Variants in STOX2 observed in about 807,000 individuals in gnomAD.
STOX2 encodes the protein storkhead-box protein 2.
Under a neutral mutation model 60.9 loss-of-function variants are expected in STOX2, and 28 were observed. That is an observed-to-expected ratio of 0.46 (90% CI 0.34 to 0.63). The LOEUF is 0.63. Among genes scored for constraint, STOX2 ranks in the 30% least tolerant of loss-of-function variants. The probability of loss-of-function intolerance (pLI) is 0.01; values close to 1 mark genes in which losing one functional copy is unlikely to be tolerated. For synonymous variants in STOX2, 472 were observed against 463.9 expected (o/e 1.02, Z -0.22); for missense variants, 1,024 against 1,187.7 (o/e 0.86, Z 2.03).
intron 1 of STOX2, among the ~76,000 whole-genome samples, chr4:183,923,672 A>C (rs759676944): frequency 3.7e-4 from 57 of 152,222 alleles, no homozygotes; most frequent in Admixed American, 1.6e-3. Flanking sequence ...AGTGTGTGCT[A>C]TGAGGTAGTG....
intron 1 of STOX2, among the ~76,000 whole-genome samples, chr4:183,817,081 G>C (rs1739170828): frequency 6.6e-6 from 1 of 152,228 alleles, no homozygotes; most frequent in African/African-American, 2.4e-5. Flanking sequence ...CTCAAGTCAT[G>C]AGAGATGGAA....
intron 1 of STOX2, among the ~76,000 whole-genome samples, chr4:183,915,367 G>A (rs1029365534): frequency 2.6e-5 from 4 of 151,632 alleles, no homozygotes; most frequent in Admixed American, 6.6e-5. Flanking sequence ...AAATTGTCTC[G>A]TTATTAGAGA....
At chr4:184,005,288 T>C (rs1484951413) in intron 2 of STOX2, among the ~76,000 whole-genome samples, 1 of 152,004 alleles carries the variant, frequency 6.6e-6, no homozygotes, top group Non-Finnish European at 1.5e-5. Flanking sequence ...GACGAAACCT[T>C]GTCTCTACTA....
chr4:183,841,659 A>G (rs184774847), intron 1 of STOX2, among the ~76,000 whole-genome samples: 5 of 152,208 alleles, frequency 3.3e-5, no homozygotes, highest in African/African-American at 1.2e-4. Flanking sequence ...ACTTTTTAGA[A>G]TAGGTAAGAA....
chr4:183,999,398 G>T (rs1291110770), intron 1 of STOX2, among the ~76,000 whole-genome samples: 1 of 152,140 alleles, frequency 6.6e-6, no homozygotes, highest in Non-Finnish European at 1.5e-5. Flanking sequence ...CCAGACATTT[G>T]TGGCTTCTAA....
chr4:183,983,259 G>T (rs997892814), intron 1 of STOX2, among the ~76,000 whole-genome samples: 1 of 152,116 alleles, frequency 6.6e-6, no homozygotes, highest in African/African-American at 2.4e-5. Flanking sequence ...ATGCTTCCTT[G>T]ATGGCGCTTT....
chr4:183,799,215 G>C (rs915937361), intron 1 of STOX2, among the ~76,000 whole-genome samples: 1 of 152,156 alleles, frequency 6.6e-6, no homozygotes, highest in Admixed American at 6.5e-5. Flanking sequence ...TCTTTGACTT[G>C]AGTAGACAAA....
At chr4:183,857,385 G>A (rs112972793) in intron 1 of STOX2, among the ~76,000 whole-genome samples, 616 of 13,894 alleles carry the variant, frequency 0.044, 3 homozygotes, top group African/African-American at 0.08. Context: ...TGGTTATCCC[G>A]CAGGACTGGT....
intron 1 of STOX2, among the ~76,000 whole-genome samples, chr4:183,885,186 C>T (rs915205915): frequency 6.6e-6 from 1 of 152,134 alleles, no homozygotes; most frequent in Non-Finnish European, 1.5e-5. Flanking sequence ...CCGCCCCCCA[C>T]CCACCTTTCA....
intron 1 of STOX2, among the ~76,000 whole-genome samples, chr4:183,981,546 C>T (rs1732659145): frequency 6.6e-6 from 1 of 152,078 alleles, no homozygotes; most frequent in Admixed American, 6.5e-5. Flanking sequence ...TTTTTCTGTG[C>T]TGTCTCATCG....
chr4:183,844,293 C>T (rs1739937494), intron 1 of STOX2, among the ~76,000 whole-genome samples: 1 of 151,878 alleles, frequency 6.6e-6, no homozygotes, highest in Non-Finnish European at 1.5e-5. Flanking sequence ...AATTGTTTTC[C>T]TAGAAAAAAA....
At chr4:183,850,730 A>G (rs1208249842) in intron 1 of STOX2, among the ~76,000 whole-genome samples, 1 of 152,226 alleles carries the variant, frequency 6.6e-6, no homozygotes, top group African/African-American at 2.4e-5. Flanking sequence ...CTCCGTCTCA[A>G]GAAAAAAAGA....
At chr4:183,953,268 T>C (rs1459119225) in intron 1 of STOX2, among the ~76,000 whole-genome samples, 3 of 151,954 alleles carry the variant, frequency 2.0e-5, no homozygotes, top group Non-Finnish European at 4.4e-5. Context: ...CTGGGACTAG[T>C]GTTTTATGGG....
At chr4:184,016,808 C>G (rs956933573) in intron 3 of STOX2, among the ~76,000 whole-genome samples, 3 of 152,012 alleles carry the variant, frequency 2.0e-5, no homozygotes, top group Non-Finnish European at 4.4e-5. Flanking sequence ...GAAGTCGTTT[C>G]GTTGAGTGTG....
At chr4:183,887,268 G>GA (rs11423476) in intron 1 of STOX2, among the ~76,000 whole-genome samples, 104,584 of 150,080 alleles carry the variant, frequency 0.7, 36,954 homozygotes, top group East Asian at 0.93. Flanking sequence ...CCGCCTGAAA[G>GA]AAAAAAAAAA....
chr4:183,863,351 A>G (rs1020035452), intron 1 of STOX2, among the ~76,000 whole-genome samples: 3 of 152,232 alleles, frequency 2.0e-5, no homozygotes, highest in Non-Finnish European at 2.9e-5. Context: ...TGCCACTTGG[A>G]AAACGCCAGC....
chr4:183,830,044 G>C (rs557377229), intron 1 of STOX2, among the ~76,000 whole-genome samples: 1 of 152,274 alleles, frequency 6.6e-6, no homozygotes, highest in East Asian at 1.9e-4. Flanking sequence ...CTGCATTGTT[G>C]CTGAAGTTAT....
At chr4:183,815,159 ATTTT>A (rs58103030) in intron 1 of STOX2, among the ~76,000 whole-genome samples, 1 of 147,148 alleles carries the variant, frequency 6.8e-6, no homozygotes, top group Non-Finnish European at 1.5e-5. Flanking sequence ...TGCCCAGCTA[ATTTT>A]TTTTTTTTAT....
Position 183,894,796 on chromosome 4 carries a change from T to A in STOX2, c.364+96741T>A, listed in dbSNP as rs114781309. On this transcript the variant is annotated intron_variant, in intron 1 of 2. Coordinates refer to the STOX2 transcript ENST00000513034. Reference sequence around the variant, plus strand: ...ATTGAGAAAAGAAAACTTTCAAGACTGATTAGTGTGAAGGAGGTTTGTGGA... The same window carrying A: ...ATTGAGAAAAGAAAACTTTCAAGACAGATTAGTGTGAAGGAGGTTTGTGGA... Among the ~76,000 whole-genome samples the A allele has an allele frequency of 7.1e-3, 1,078 of 152,322 alleles. 13 individuals carry two copies. The highest frequency in any genetic ancestry group is 0.025 in the African/African-American group (1,023 of 41,568).
Sources: allele counts gnomAD v4.1 joint callset (sites outside exome capture counted in the v4.1 genomes callset), GRCh38; gene constraint gnomAD v4.1.1; transcripts MANE v1.5; gene names NCBI Gene and HGNC (gene_info 2026-07-23, HGNC 2026-07-21).